The following PACS1 variants were observed in gnomAD, a reference collection of about 807,000 sequenced individuals.
The protein encoded by PACS1 is PACS-1.
A neutral mutation model predicts 115.0 loss-of-function variants in PACS1; 24 were observed. That is an observed-to-expected ratio of 0.21 (90% CI 0.15 to 0.29). PACS1 has a LOEUF of 0.29. PACS1 is among the 10% of genes least tolerant of loss of function. The pLI is 1.00. For missense variants in PACS1, 838 were observed against 1,251.2 expected (o/e 0.67, Z 4.98); for synonymous variants, 453 against 504.5 (o/e 0.90, Z 1.37).
At chr11:66,074,941 G>GTTTTTT (rs71036269) in intron 1 of PACS1, among the ~76,000 whole-genome samples, 10 of 114,224 alleles carry the variant, frequency 8.8e-5, no homozygotes, top group South Asian at 5.6e-4. Context: ...TTTTTTTGGT[G>GTTTTTT]TTTTTTTTTT....
chr11:66,238,190 T>A (rs937846931), intron 19 of PACS1: 1 of 985,116 alleles, frequency 1.0e-6, no homozygotes, highest in African/African-American at 1.7e-5. Context: ...TCAGTACACT[T>A]CCAGATTCCA....
At chr11:66,219,096 C>T (rs928213859) in intron 7 of PACS1, among the ~76,000 whole-genome samples, 1 of 151,960 alleles carries the variant, frequency 6.6e-6, no homozygotes, top group African/African-American at 2.4e-5. Flanking sequence ...TCGGAAGGAC[C>T]ACTGTGGGCT....
chr11:66,216,823 G>T, intron 7 of PACS1, 48 bp downstream of exon 7: 2 of 1,407,818 alleles, frequency 1.4e-6, no homozygotes, highest in East Asian at 2.3e-5. Flanking sequence ...TTTCAGTCTG[G>T]GGGTAGGTTG....
intron 10 of PACS1, among the ~76,000 whole-genome samples, chr11:66,223,920 G>A (rs575962995): frequency 6.1e-4 from 93 of 152,272 alleles, no homozygotes; most frequent in African/African-American, 2.0e-3. Flanking sequence ...AGTTGAGGGC[G>A]GACACGGTGG....
At chr11:66,209,854 GA>G (rs1202002301) in intron 2 of PACS1, among the ~76,000 whole-genome samples, 2 of 151,936 alleles carry the variant, frequency 1.3e-5, no homozygotes, top group Non-Finnish European at 2.9e-5. Context: ...GCAGTGCGCC[GA>G]GATCACGCCA....
chr11:66,206,251 GC>G (rs1349993915), intron 2 of PACS1, among the ~76,000 whole-genome samples: 2 of 152,104 alleles, frequency 1.3e-5, no homozygotes, highest in Admixed American at 6.5e-5. Context: ...AAATGGTTTT[GC>G]TTCTATACTG....
intron 10 of PACS1, among the ~76,000 whole-genome samples, chr11:66,222,430 C>A (rs1365938663): frequency 6.6e-6 from 1 of 152,054 alleles, no homozygotes; most frequent in Non-Finnish European, 1.5e-5. Context: ...TCCGCCCCTC[C>A]TAGAAAGGCC....
At chr11:66,095,381 C>G (rs1857757077) in intron 1 of PACS1, among the ~76,000 whole-genome samples, 1 of 152,110 alleles carries the variant, frequency 6.6e-6, no homozygotes, top group Non-Finnish European at 1.5e-5. Context: ...ACAAAAATCA[C>G]AAGCATTCTT....
At chr11:66,134,786 C>T (rs1203311052) in intron 1 of PACS1, among the ~76,000 whole-genome samples, 2 of 152,032 alleles carry the variant, frequency 1.3e-5, no homozygotes, top group African/African-American at 2.4e-5. Context: ...ACTGGGGATT[C>T]CCTTCACTCC....
At chr11:66,241,122 A>G in intron 21 of PACS1, 1 of 336,130 alleles carries the variant, frequency 3.0e-6, no homozygotes, top group East Asian at 6.0e-5. Context: ...GTGTGCACGC[A>G]TGCACTTATG....
chr11:66,169,566 ATTTTTT>A (rs59176258), intron 1 of PACS1, among the ~76,000 whole-genome samples: 2 of 115,282 alleles, frequency 1.7e-5, no homozygotes, highest in East Asian at 4.8e-4. Context: ...CGCCCGGCTA[ATTTTTT>A]TTTTTTTTTT....
At chr11:66,129,821 G>C (rs1401780279) in intron 1 of PACS1, among the ~76,000 whole-genome samples, 1 of 152,072 alleles carries the variant, frequency 6.6e-6, no homozygotes, top group Non-Finnish European at 1.5e-5. Context: ...CTTGAATTTT[G>C]TGATGTTTGT....
intron 1 of PACS1, among the ~76,000 whole-genome samples, chr11:66,172,115 G>A (rs1485237316): frequency 6.6e-6 from 1 of 152,154 alleles, no homozygotes; most frequent in Non-Finnish European, 1.5e-5. Context: ...TTTTATAAAA[G>A]CAATGTTTGT....
chr11:66,223,286 G>T (rs564674658), intron 10 of PACS1, among the ~76,000 whole-genome samples: 2 of 151,984 alleles, frequency 1.3e-5, no homozygotes, highest in South Asian at 4.1e-4. Flanking sequence ...TAGAGATGGG[G>T]TTTCTCCATG....
intron 1 of PACS1, among the ~76,000 whole-genome samples, chr11:66,079,830 C>G (rs1283853285): frequency 6.6e-6 from 1 of 152,220 alleles, no homozygotes; most frequent in Non-Finnish European, 1.5e-5. Flanking sequence ...CAGCCCCTTC[C>G]CATGTCTTTG....
At chr11:66,137,409 A>T (rs1858872501) in intron 1 of PACS1, among the ~76,000 whole-genome samples, 1 of 152,144 alleles carries the variant, frequency 6.6e-6, no homozygotes, top group Non-Finnish European at 1.5e-5. Context: ...TCCTGTTTTG[A>T]AATGCCATTA....
intron 1 of PACS1, among the ~76,000 whole-genome samples, chr11:66,154,744 TAATC>T (rs999699675): frequency 1.2e-4 from 18 of 152,174 alleles, no homozygotes. Flanking sequence ...ATCATAAACA[TAATC>T]AATTTTCTAC....
chr11:66,108,681 C>G (rs1009582761), intron 1 of PACS1, among the ~76,000 whole-genome samples: 13 of 152,152 alleles, frequency 8.5e-5, no homozygotes, highest in Non-Finnish European at 1.8e-4. Flanking sequence ...GGGAGGATCA[C>G]TAGAGCCTGG....
intron 1 of PACS1, among the ~76,000 whole-genome samples, chr11:66,117,247 G>A (rs527962): frequency 0.47 from 70,697 of 151,662 alleles, 17,989 homozygotes; most frequent in South Asian, 0.63. Flanking sequence ...GATCACTTGA[G>A]GTCAGGAGTT....
Sources: allele counts gnomAD v4.1 joint callset (sites outside exome capture counted in the v4.1 genomes callset), GRCh38; gene constraint gnomAD v4.1.1; transcripts MANE v1.5; gene names NCBI Gene and HGNC (gene_info 2026-07-23, HGNC 2026-07-21).